The following PDE6C variants were observed in gnomAD, a reference collection of about 807,000 sequenced individuals.
The protein encoded by PDE6C is phosphodiesterase 6C.
In PDE6C, 75 loss-of-function variants were observed where a neutral mutation model predicts 113.1. The ratio of observed to expected loss-of-function variants is 0.66; its 90% CI spans 0.55 to 0.80. PDE6C has a LOEUF of 0.80. Ranked by LOEUF, PDE6C falls within the 30% of genes least tolerant of loss-of-function variation. The pLI, the probability that PDE6C is intolerant of heterozygous loss-of-function variation, is 0.00. For missense variants in PDE6C, 912 were observed against 1,038.6 expected (o/e 0.88, Z 1.67); for synonymous variants, 375 against 363.7 (o/e 1.03, Z -0.35).
At chr10:93,665,223 G>A in intron 21 of PDE6C, 137 bp from the exon 22 acceptor site, 1 of 746,820 alleles carries the variant, frequency 1.3e-6, no homozygotes, top group Admixed American at 2.0e-5. Context: ...GTTTTTACAT[G>A]GTCAAACCCA....
intron 8 of PDE6C, among the ~76,000 whole-genome samples, chr10:93,632,050 T>C (rs1413747679): frequency 6.6e-6 from 1 of 152,218 alleles, no homozygotes; most frequent in Non-Finnish European, 1.5e-5. Context: ...TTCCAGCTTC[T>C]CAGGGCCTCC....
In PDE6C at chr10:93,665,725, G is replaced by T. The variant is rs1032879364; in HGVS notation, c.*307G>T. ...TTAATTGTATTTATTTGCTAAGGCT[G>T]CTATAACAAAGTACCACAGACTGGG... On this transcript the variant is annotated 3_prime_UTR_variant, in exon 22 of 22. Transcript: ENST00000371447. The T allele has an allele frequency of 2.7e-6, 1 of 368,732 alleles. No individual in the cohort carries two copies. The highest frequency in any genetic ancestry group is 2.1e-5 in the African/African-American group (1 of 47,548). The allele number at this position is 368,732 out of a possible 1,614,324, so 22.8% of individuals were successfully genotyped here. A position where few individuals can be genotyped will look rare whatever the true frequency, so the allele number is the denominator to read the frequency against.
intron 1 of PDE6C, among the ~76,000 whole-genome samples, chr10:93,617,218 G>A (rs1320579403): frequency 1.3e-5 from 2 of 152,098 alleles, no homozygotes; most frequent in African/African-American, 4.8e-5. Context: ...AGGGACACAC[G>A]CAGGATTTAT....
intron 15 of PDE6C, among the ~76,000 whole-genome samples, chr10:93,652,861 C>T (rs191269685): frequency 1.1e-3 from 164 of 152,224 alleles, no homozygotes; most frequent in Non-Finnish European, 2.0e-3. Context: ...TTGGTAGAGA[C>T]GAGGAAGTCT....
intron 15 of PDE6C, among the ~76,000 whole-genome samples, chr10:93,654,527 A>G (rs1045234775): frequency 6.6e-6 from 1 of 152,188 alleles, no homozygotes; most frequent in Non-Finnish European, 1.5e-5. Flanking sequence ...TACTGTTATT[A>G]TTTGGTGTTC....
At chr10:93,615,671 T>C (rs1051143944) in intron 1 of PDE6C, among the ~76,000 whole-genome samples, 3 of 152,200 alleles carry the variant, frequency 2.0e-5, no homozygotes, top group Non-Finnish European at 4.4e-5. Flanking sequence ...CGTGAGCCAC[T>C]GCGCCCGGCC....
chr10:93,628,138 A>G (rs996921090), intron 7 of PDE6C, among the ~76,000 whole-genome samples: 1 of 152,242 alleles, frequency 6.6e-6, no homozygotes, highest in Admixed American at 6.5e-5. Flanking sequence ...ATTCCCAGCC[A>G]GGAGAGCTGA....
At chr10:93,659,035 CTT>C (rs560598513) in intron 17 of PDE6C, 27 bp downstream of exon 17, 19,165 of 1,576,882 alleles carry the variant, frequency 0.012, 197 homozygotes, top group Non-Finnish European at 0.013. Context: ...GTATTTCTCT[CTT>C]GTTTTTTGTA....
Position 93,612,783 on chromosome 10 carries a change from G to A in PDE6C, c.58G>A (p.Ala20Thr). 6.2e-7 allele frequency: 1 copy of A among 1,614,188 alleles called. No homozygotes were observed. Among genetic ancestry groups the A allele is most frequent in the South Asian group, 1.1e-5 (1 of 91,082 alleles). Reference sequence around the variant, plus strand: ...ATACCTGGAGGAGAACCCTCAGTTTGCCAAGGAGTACTTTGACAGGAAGTT... The same window carrying A: ...ATACCTGGAGGAGAACCCTCAGTTTACCAAGGAGTACTTTGACAGGAAGTT... ...EKYLEENPQFAKEYFDRKLRV... is the reference protein window; with the variant it reads ...EKYLEENPQFTKEYFDRKLRV... The change falls in exon 1 of 22, where the codon GCC becomes ACC. Residue 20 changes from alanine to threonine, a missense_variant. By Grantham distance (58) the Ala-to-Thr change is moderately conservative (BLOSUM62 0). Transcript: ENST00000371447.
intron 14 of PDE6C, among the ~76,000 whole-genome samples, chr10:93,644,796 A>AGT (rs56031300): frequency 1.4e-5 from 2 of 139,862 alleles, no homozygotes; most frequent in Admixed American, 7.5e-5. Flanking sequence ...ATATATATAT[A>AGT]GTATATATAT....
intron 1 of PDE6C, among the ~76,000 whole-genome samples, chr10:93,614,173 T>G (rs965809358): frequency 6.6e-6 from 1 of 151,766 alleles, no homozygotes; most frequent in African/African-American, 2.4e-5. Context: ...TGGAACAGAG[T>G]TGAATGGGAA....
intron 16 of PDE6C, among the ~76,000 whole-genome samples, chr10:93,657,186 G>A (rs1197569316): frequency 1.3e-5 from 2 of 151,148 alleles, no homozygotes; most frequent in African/African-American, 2.4e-5. Context: ...TTTTTGCGAC[G>A]GAGTCTCACT....
At chr10:93,643,843 C>T (rs2058570879) in intron 14 of PDE6C, among the ~76,000 whole-genome samples, 1 of 151,864 alleles carries the variant, frequency 6.6e-6, no homozygotes, top group African/African-American at 2.4e-5. Context: ...AGTATTGGTA[C>T]AATAATATTA....
intron 15 of PDE6C, among the ~76,000 whole-genome samples, chr10:93,654,750 TTTTCTTTCTTTCTTTCTTTCTTTCTTTC>T (rs1218959114): frequency 0.013 from 1,555 of 120,734 alleles, 34 homozygotes; most frequent in African/African-American, 0.038. Flanking sequence ...TATATACTCA[TTTTCTTTCTTTCTTTCTTTCTTTCTTTC>T]TTTCTTTCTT....
intron 8 of PDE6C, 111 bp downstream of exon 8, chr10:93,629,416 G>T (rs992883050): frequency 4.9e-6 from 4 of 821,956 alleles, no homozygotes; most frequent in Non-Finnish European, 8.7e-6. Flanking sequence ...GTGGCCACAG[G>T]CACACACGGG....
intron 15 of PDE6C, among the ~76,000 whole-genome samples, chr10:93,653,773 G>C (rs1464772131): frequency 1.3e-5 from 2 of 152,124 alleles, no homozygotes; most frequent in African/African-American, 4.8e-5. Flanking sequence ...TATTTTAAAA[G>C]TTTAACTATA....
chr10:93,640,187 G>A lies in PDE6C; in HGVS notation c.1600G>A (p.Val534Met), dbSNP rs1589699695. ...CGIRLFFEIN[V>M]VEKFKVPVEV... Reference sequence around the variant, plus strand: ...AATACGACTGTTTTTTGAAATAAATGTGGTGGAGAAATTCAAAGTACCTGT... The same window carrying A: ...AATACGACTGTTTTTTGAAATAAATATGGTGGAGAAATTCAAAGTACCTGT... Residue 534 changes from valine to methionine, a missense_variant, in exon 12 of 22, where the codon GTG (valine) becomes ATG (methionine). Coordinates refer to ENST00000371447, the MANE Select transcript of PDE6C (RefSeq NM_006204.4). 6.2e-7 allele frequency: 1 copy of A among 1,613,392 alleles called. No individual in the cohort carries two copies. The highest frequency in any genetic ancestry group is 8.5e-7 in the Non-Finnish European group (1 of 1,179,414).
chr10:93,623,640 GT>G (rs2058459150), intron 4 of PDE6C, among the ~76,000 whole-genome samples: 1 of 152,108 alleles, frequency 6.6e-6, no homozygotes, highest in Non-Finnish European at 1.5e-5. Flanking sequence ...TTTGTGAAAG[GT>G]ACAAGTTCTG....
At chr10:93,628,542 G>A (rs974308639) in intron 7 of PDE6C, among the ~76,000 whole-genome samples, 2 of 152,014 alleles carry the variant, frequency 1.3e-5, no homozygotes, top group Non-Finnish European at 2.9e-5. Flanking sequence ...CTGAGATCGC[G>A]CCATTGCACT....
Sources: gnomAD v4.1 joint callset for allele counts (sites outside exome capture counted in the v4.1 genomes callset) on GRCh38, gnomAD v4.1.1 for gene constraint, MANE v1.5 for transcripts, NCBI Gene and HGNC (gene_info 2026-07-23, HGNC 2026-07-21) for gene names.